PHF3: variants seen among roughly 807,000 people sequenced by gnomAD.
PHF3 encodes PHD finger protein 3.
Under a neutral mutation model 178.4 loss-of-function variants are expected in PHF3, and 41 were observed. That is an observed-to-expected ratio of 0.23 (90% CI 0.18 to 0.30). PHF3 has a LOEUF of 0.30. PHF3 is among the 10% of genes least tolerant of loss of function. The pLI, the probability that PHF3 is intolerant of heterozygous loss-of-function variation, is 1.00. For missense variants in PHF3, 2,346 were observed against 2,398.1 expected (o/e 0.98, Z 0.45); for synonymous variants, 842 against 800.5 (o/e 1.05, Z -0.88).
chr6:63,713,133 C>T lies in PHF3; in HGVS notation c.5545C>T (p.Gln1849Ter). 6.2e-7 allele frequency: 1 copy of T among 1,614,006 alleles called. No individual in the cohort carries two copies. The highest frequency in any genetic ancestry group is 8.5e-7 in the Non-Finnish European group (1 of 1,179,970). ...TCCCCCTCCAGGCTTTGGCTTTGCT[C>T]AAAATCCCATGGTTCCCTGGCCACC... ...LLPPPGFGFA[Q>*]NPMVPWPPVV... is the part of the protein sequence containing the mutation. The change falls in exon 16 of 16, where the codon CAA (glutamine) becomes TAA (stop). Residue 1849 changes from glutamine (Q) to a stop codon, truncating the protein, a stop_gained. Coordinates refer to ENST00000262043, the MANE Select transcript of PHF3 (RefSeq NM_001370348.2). LOFTEE classifies it high-confidence loss of function.
chr6:63,653,627 A>G lies in PHF3; in HGVS notation c.244+6832A>G, dbSNP rs1436444886. Among the ~76,000 whole-genome samples, 3 of 151,950 alleles carry G rather than the reference A, an allele frequency of 2.0e-5. No homozygotes were observed. In the East Asian group the frequency reaches 5.8e-4, roughly 29 times the overall value. The stretch of plus-strand genomic sequence containing the variant: ...TTCCTTTCCAATTTGGATGTCCTTT[A>G]TTTAATATTTTTTTCTTTTGCTTAA... On this transcript the variant is annotated intron_variant, in intron 2 of 15. Coordinates refer to ENST00000262043, the MANE Select transcript of PHF3 (RefSeq NM_001370348.2).
chr6:63,648,960 C>G (rs1253154960), intron 2 of PHF3, among the ~76,000 whole-genome samples: 1 of 151,566 alleles, frequency 6.6e-6, no homozygotes, highest in Non-Finnish European at 1.5e-5. Context: ...AGTTCTTTTC[C>G]TTTTGGGATA....
chr6:63,671,720 A>G (rs1410729846), intron 2 of PHF3, among the ~76,000 whole-genome samples: 5 of 152,164 alleles, frequency 3.3e-5, no homozygotes, highest in Admixed American at 6.6e-5. Flanking sequence ...TTGTGTTTAC[A>G]TGCTTACATT....
chr6:63,710,346 G>A lies in PHF3; in HGVS notation c.3802-821G>A, dbSNP rs545120555. Among the ~76,000 whole-genome samples, 10 of 152,236 alleles carry A rather than the reference G, an allele frequency of 6.6e-5. No homozygotes were observed. The South Asian group carries it at 1.0e-3, about 16-fold the overall frequency. The stretch of plus-strand genomic sequence containing the variant: ...TCTGTAATAGTTGTTACTAACATAT[G>A]TATGGTGATTTTTACTCTAAAAGAG... On this transcript the variant is annotated intron_variant, in intron 14 of 15. Transcript: ENST00000262043.
chr6:63,684,097 G>C, intron 3 of PHF3, 32 bp from the exon 4 acceptor site: 1 of 1,451,284 alleles, frequency 6.9e-7, no homozygotes, highest in Non-Finnish European at 9.4e-7. Flanking sequence ...AAATAGCTAA[G>C]TATTTTTATT....
intron 2 of PHF3, among the ~76,000 whole-genome samples, chr6:63,655,902 C>T (rs896232414): frequency 1.3e-5 from 2 of 152,198 alleles, no homozygotes; most frequent in African/African-American, 4.8e-5. Context: ...CTTGTCCTCT[C>T]AAAGTTCTGG....
chr6:63,679,169 T>A (rs563822208), intron 2 of PHF3: 1 of 155,182 alleles, frequency 6.4e-6, no homozygotes, highest in Admixed American at 6.5e-5. Context: ...ATCACGTTCT[T>A]TTTGGCAAGA....
chr6:63,713,139 C>T lies in PHF3; in HGVS notation c.5551C>T (p.Pro1851Ser), dbSNP rs983343952. 3 of 1,614,018 alleles carry T rather than the reference C, an allele frequency of 1.9e-6. No individual in the cohort carries two copies. Among genetic ancestry groups the T allele is most frequent in the Non-Finnish European group, 1.7e-6 (2 of 1,179,946 alleles). Reference sequence around the variant, plus strand: ...TCCAGGCTTTGGCTTTGCTCAAAATCCCATGGTTCCCTGGCCACCTGTTGT... The same window carrying T: ...TCCAGGCTTTGGCTTTGCTCAAAATTCCATGGTTCCCTGGCCACCTGTTGT... ...PPPGFGFAQN[P>S]MVPWPPVVHL... is the part of the protein sequence containing the mutation. Residue 1851 changes from proline (P) to serine (S), a missense_variant, in exon 16 of 16, where the codon CCC (proline) becomes TCC (serine). Around this residue, in one of 8 missense-constraint regions of PHF3, gnomAD observed 839 missense variants for 806.9 expected, o/e 1.04. Transcript: ENST00000262043.
At chr6:63,674,437 A>C (rs114573854) in intron 2 of PHF3, among the ~76,000 whole-genome samples, 1,827 of 151,598 alleles carry the variant, frequency 0.012, 38 homozygotes, top group African/African-American at 0.042. Flanking sequence ...AATTTTTTTC[A>C]AATTAAGAAC....
intron 3 of PHF3, among the ~76,000 whole-genome samples, chr6:63,681,627 G>A (rs1382671506): frequency 6.6e-6 from 1 of 151,928 alleles, no homozygotes; most frequent in East Asian, 1.9e-4. Context: ...TTTCTGTAGT[G>A]TTCTATTCAT....
At position 63,709,189 on chromosome 6, in the gene PHF3, A is replaced by C. The variant is rs1767820498; in HGVS notation, c.3750A>C (p.Ser1250=). Reference sequence around the variant, plus strand: ...GTATTCAAGTAGGTGGCAGGATATCACCTCAGACAGTTTGGGATTATGTGG... The same window carrying C: ...GTATTCAAGTAGGTGGCAGGATATCCCCTCAGACAGTTTGGGATTATGTGG... ...PDSIQVGGRI[S]PQTVWDYVEK... is the part of the protein sequence containing the mutation. Residue 1250 remains serine, a synonymous_variant, in exon 14 of 16, where the codon TCA becomes TCC. Transcript: ENST00000262043. 1 of 1,611,386 alleles carries C rather than the reference A, an allele frequency of 6.2e-7. No homozygotes were observed. Among genetic ancestry groups the C allele is most frequent in the Non-Finnish European group, 8.5e-7 (1 of 1,178,864 alleles).
At chr6:63,681,371 T>C (rs2149579340) in intron 3 of PHF3, among the ~76,000 whole-genome samples, 1 of 152,160 alleles carries the variant, frequency 6.6e-6, no homozygotes, top group African/African-American at 2.4e-5. Context: ...TCCGGGAAAA[T>C]TTTTCAAATT....
At chr6:63,690,301 G>C (rs1209182097) in intron 4 of PHF3, among the ~76,000 whole-genome samples, 2 of 152,034 alleles carry the variant, frequency 1.3e-5, no homozygotes, top group African/African-American at 4.8e-5. Flanking sequence ...AGCTAGCACA[G>C]GTATTACCAG....
At chr6:63,691,312 C>T (rs9444099) in intron 4 of PHF3, among the ~76,000 whole-genome samples, 100 of 152,184 alleles carry the variant, frequency 6.6e-4, no homozygotes, top group Non-Finnish European at 1.0e-3. Flanking sequence ...TGTGATGTCA[C>T]GTCTGTGGTG....
chr6:63,709,801 T>C (rs1767850274), intron 14 of PHF3, among the ~76,000 whole-genome samples: 1 of 152,198 alleles, frequency 6.6e-6, no homozygotes, highest in East Asian at 1.9e-4. Context: ...TGGATGGCCA[T>C]GTGCCCAGCT....
chr6:63,702,657 A>G lies in PHF3; in HGVS notation c.3231+18A>G, dbSNP rs1161577720. 2.5e-6 allele frequency: 4 copies of G among 1,596,308 alleles called. No individual in the cohort carries two copies. Among genetic ancestry groups the G allele is most frequent in the South Asian group, 1.1e-5 (1 of 88,030 alleles). ...AGATTCAGGTAAGGATAGATATGCC[A>G]TGTTTTATAGCTCAAAACATGAAGA... On this transcript the variant is annotated intron_variant, in intron 10 of 15. Coordinates refer to ENST00000262043, the MANE Select transcript of PHF3 (RefSeq NM_001370348.2).
chr6:63,649,301 A>C (rs1480251805), intron 2 of PHF3, among the ~76,000 whole-genome samples: 1 of 152,102 alleles, frequency 6.6e-6, no homozygotes, highest in South Asian at 2.1e-4. Flanking sequence ...ACTTTCAGCT[A>C]TTTATAAATA....
chr6:63,687,187 T>G (rs1344943191), intron 4 of PHF3, among the ~76,000 whole-genome samples: 1 of 152,072 alleles, frequency 6.6e-6, no homozygotes, highest in East Asian at 1.9e-4. Context: ...GAGGCTGAGG[T>G]GGGCGGTAGG....
At chr6:63,693,499 C>T (rs1169667872) in intron 5 of PHF3, among the ~76,000 whole-genome samples, 3 of 152,180 alleles carry the variant, frequency 2.0e-5, no homozygotes, top group Non-Finnish European at 4.4e-5. Flanking sequence ...CCTGTAATCC[C>T]AGCTGCTTGG....
Sources: allele counts gnomAD v4.1 joint callset (sites outside exome capture counted in the v4.1 genomes callset), GRCh38; gene constraint gnomAD v4.1.1; regional missense constraint gnomAD v4.1.1; transcripts MANE v1.5; gene names NCBI Gene and HGNC (gene_info 2026-07-23, HGNC 2026-07-21).